The following PCNA variants were observed in gnomAD, a reference collection of about 807,000 sequenced individuals.
PCNA encodes the protein proliferating cell nuclear antigen, also known as DNA sliding clamp PCNA.
In PCNA, 4 loss-of-function variants were observed where a neutral mutation model predicts 27.8. The observed-to-expected ratio is 0.14, with a 90% CI of 0.07 to 0.33. The LOEUF (loss-of-function observed/expected upper bound fraction) is 0.33, where lower values mean the gene tolerates loss of function less well. PCNA is among the 10% of genes least tolerant of loss of function. PCNA has a pLI of 1.00. For missense variants in PCNA, 165 were observed against 327.4 expected (o/e 0.50, Z 3.83); for synonymous variants, 121 against 119.4 (o/e 1.01, Z -0.09).
intron 3 of PCNA, among the ~76,000 whole-genome samples, chr20:5,117,955 T>C (rs953145467): frequency 1.3e-5 from 2 of 152,218 alleles, no homozygotes; most frequent in African/African-American, 2.4e-5. Context: ...AACTACTTTC[T>C]AAAAGAAAGC....
chr20:5,121,479 GACTTA>G (rs766593919), upstream of PCNA: 62 of 154,016 alleles, frequency 4.0e-4, 1 homozygote, highest in Non-Finnish European at 7.5e-4. Context: ...ATTTTGTGGA[GACTTA>G]ACTTTACCCT....
chr20:5,119,649 G>A lies in PCNA; in HGVS notation c.150C>T (p.Leu50=), dbSNP rs758972812. Residue 50 remains leucine (L), a synonymous_variant, in exon 1 of 6, where the codon CTC becomes CTT. Coordinates refer to ENST00000379143, the MANE Select transcript of PCNA (RefSeq NM_182649.2). ...TGTCGAAGCCCTCAGACCGCAGGGT[G>A]AGCTGCACCAAAGAGACGTGGGACG... ...MDSSHVSLVQ[L]TLRSEGFDTY... 1 of 1,613,750 alleles carries A rather than the reference G, an allele frequency of 6.2e-7. No homozygotes were observed. The highest frequency in any genetic ancestry group is 2.2e-5 in the East Asian group (1 of 44,862).
chr20:5,118,288 A>C (rs1008951017), intron 3 of PCNA, among the ~76,000 whole-genome samples: 1 of 152,192 alleles, frequency 6.6e-6, no homozygotes, highest in African/African-American at 2.4e-5. Flanking sequence ...TTATATTAAC[A>C]TATCTTGACG....
intron 3 of PCNA, among the ~76,000 whole-genome samples, chr20:5,118,102 A>C (rs1339310834): frequency 6.6e-6 from 1 of 152,258 alleles, no homozygotes; most frequent in Admixed American, 6.5e-5. Context: ...AGAAGGAAAC[A>C]AATTTTAAAA....
upstream of PCNA, among the ~76,000 whole-genome samples, chr20:5,122,495 A>G (rs530978525): frequency 1.2e-4 from 18 of 152,162 alleles, no homozygotes; most frequent in African/African-American, 4.1e-4. Context: ...GTGCTATTCT[A>G]TTGTCTCTGG....
At chr20:5,116,236 A>C (rs1393462692) in intron 4 of PCNA, among the ~76,000 whole-genome samples, 1 of 152,192 alleles carries the variant, frequency 6.6e-6, no homozygotes, top group African/African-American at 2.4e-5. Flanking sequence ...AAACTGAGGC[A>C]GGAGGATCAC....
chr20:5,122,400 CAGTT>C (rs1401675272), upstream of PCNA, among the ~76,000 whole-genome samples: 6 of 152,188 alleles, frequency 3.9e-5, no homozygotes, highest in African/African-American at 7.2e-5. Flanking sequence ...TTTCTCCACT[CAGTT>C]AGTTGCTGAT....
chr20:5,115,392 AG>A, intron 5 of PCNA, 30 bp from the exon 6 acceptor site: 1 of 1,613,524 alleles, frequency 6.2e-7, no homozygotes, highest in Non-Finnish European at 8.5e-7. Context: ...TTAATTACTG[AG>A]GAGTATGTAT....
Position 5,119,766 on chromosome 20 carries a change from G to A in PCNA, c.33C>T (p.Ile11=), listed in dbSNP as rs141688754. 215 of 1,580,406 alleles carry A rather than the reference G, an allele frequency of 1.4e-4. No homozygotes were observed. Among genetic ancestry groups the A allele is most frequent in the Admixed American group, 3.5e-4 (19 of 54,646 alleles). The change falls in exon 1 of 6, where the codon ATC becomes ATT. Residue 11 remains isoleucine (I), a synonymous_variant. Coordinates refer to ENST00000379143, the MANE Select transcript of PCNA (RefSeq NM_182649.2). ...TGAGTGCCTCCAACACCTTCTTGAG[G>A]ATGGAGCCCTGGACCAGGCGCGCCT... MFEARLVQGS[I]LKKVLEALKD... is the part of the protein sequence containing the mutation.
In PCNA at chr20:5,117,711, T is replaced by C. The variant is rs779175502; in HGVS notation, c.388-47A>G. The C allele has an allele frequency of 9.8e-6, 12 of 1,224,742 alleles. No homozygotes were observed. In the South Asian group the frequency reaches 1.6e-4, roughly 16 times the overall value. The allele number at this position is 1,224,742 out of a possible 1,614,324, so 75.9% of individuals were successfully genotyped here. A position where few individuals can be genotyped will look rare whatever the true frequency, so the allele number is the denominator to read the frequency against. On this transcript the variant is annotated intron_variant, in intron 3 of 5. Transcript: ENST00000379143. ...CAAAAGTTAATTGTTAGAAATTTAA[T>C]GATTTGGCACCCTCACTTTCTTAAA...
chr20:5,124,837 A>G (rs182990399), upstream of PCNA, among the ~76,000 whole-genome samples: 39 of 109,864 alleles, frequency 3.5e-4, no homozygotes, highest in East Asian at 7.5e-3. Flanking sequence ...TTCAGACCAC[A>G]TGTTATCCAT....
intron 4 of PCNA, among the ~76,000 whole-genome samples, chr20:5,116,398 A>G (rs902324058): frequency 3.9e-5 from 6 of 152,202 alleles, no homozygotes; most frequent in African/African-American, 1.2e-4. Context: ...CAGGAAACAG[A>G]TAAAGAATCA....
At chr20:5,122,869 A>C (rs1343169160), upstream of PCNA, among the ~76,000 whole-genome samples, 1 of 152,246 alleles carries the variant, frequency 6.6e-6, no homozygotes, top group Non-Finnish European at 1.5e-5. Flanking sequence ...CACCATGTAC[A>C]TCAATCTGTT....
upstream of PCNA, among the ~76,000 whole-genome samples, chr20:5,124,456 CCT>C (rs1341922892): frequency 1.3e-5 from 2 of 151,890 alleles, no homozygotes; most frequent in African/African-American, 4.8e-5. Context: ...ACCTAAAACC[CCT>C]GTCTCTACTA....
At chr20:5,120,129 C>T, upstream of PCNA, 1 of 312,718 alleles carries the variant, frequency 3.2e-6, no homozygotes, top group Admixed American at 4.6e-5. Flanking sequence ...GGCGGGGCAG[C>T]GTCGCGCAGG....
chr20:5,116,053 G>A (rs1038073648), intron 4 of PCNA, among the ~76,000 whole-genome samples: 6 of 152,056 alleles, frequency 3.9e-5, no homozygotes, highest in Non-Finnish European at 8.8e-5. Context: ...GGACACACAG[G>A]GTAGAGGAAT....
chr20:5,119,540 G>A, intron 1 of PCNA, 38 bp downstream of exon 1: 1 of 1,551,188 alleles, frequency 6.4e-7, no homozygotes, highest in Non-Finnish European at 8.8e-7. Context: ...GGAGGTGCAG[G>A]CGGGCCGGGG....
In PCNA at chr20:5,118,523, C is replaced by T. The variant is rs1480931348; in HGVS notation, c.387+87G>A. ...TCCAGCCTGGGCAACAGAGCCAAGA[C>T]CCTGTCTGTAAAAATAAACAAACAT... On this transcript the variant is annotated intron_variant, in intron 3 of 5. Transcript: ENST00000379143. The T allele has an allele frequency of 6.1e-6, 6 of 979,348 alleles. No homozygotes were observed. The Admixed American group carries it at 7.6e-5, about 12-fold the overall frequency. The allele number at this position is 979,348 out of a possible 1,614,324, so 60.7% of individuals were successfully genotyped here. A position where few individuals can be genotyped will look rare whatever the true frequency, so the allele number is the denominator to read the frequency against.
chr20:5,124,643 AAAAC>A (rs1438096427), upstream of PCNA, among the ~76,000 whole-genome samples: 5 of 152,044 alleles, frequency 3.3e-5, no homozygotes, highest in African/African-American at 7.2e-5. Flanking sequence ...AAAAAAACAA[AAAAC>A]AAACAAAAAG....
Sources: allele counts gnomAD v4.1 joint callset (sites outside exome capture counted in the v4.1 genomes callset), GRCh38; gene constraint gnomAD v4.1.1; transcripts MANE v1.5; gene names NCBI Gene and HGNC (gene_info 2026-07-23, HGNC 2026-07-21).